The following XKR6 variants were observed in gnomAD, a reference collection of about 807,000 sequenced individuals.
The protein encoded by XKR6 is XK related 6, also known as XK-related protein 6.
A neutral mutation model predicts 56.7 loss-of-function variants in XKR6; 22 were observed. That is an observed-to-expected ratio of 0.39 (90% CI 0.28 to 0.55). The LOEUF is 0.55. XKR6 is among the 20% of genes least tolerant of loss of function. The pLI is 0.66. For synonymous variants in XKR6, 524 were observed against 387.8 expected, an observed-to-expected ratio of 1.35 and a Z score of -4.13; for missense variants, 852 against 889.0, an observed-to-expected ratio of 0.96 and a Z score of 0.53.
At position 11,112,698 on chromosome 8, in the gene XKR6, G is replaced by A. The variant is rs558946877; in HGVS notation, c.764+87878C>T. ...ACTGGTTTTTCTTTAAGAACAAGGCGAAGCTGGCCTGGGGAAGCAGAAATT... is the reference window on the plus strand; with the variant it reads ...ACTGGTTTTTCTTTAAGAACAAGGCAAAGCTGGCCTGGGGAAGCAGAAATT... On this transcript the variant is annotated intron_variant, in intron 1 of 2. Transcript: ENST00000416569. 3.3e-5 allele frequency among the ~76,000 whole-genome samples: 5 copies of A among 152,296 alleles called. No individual in the cohort carries two copies. The East Asian group carries it at 7.7e-4, about 23-fold the overall frequency.
rs547523766 is a variant in XKR6, at chr8:11,108,414, C to G, written c.764+92162G>C. On this transcript the variant is annotated intron_variant, in intron 1 of 2. Coordinates refer to ENST00000416569, the MANE Select transcript of XKR6 (RefSeq NM_173683.4). Reference sequence around the variant, plus strand: ...CCCCAAGACATAAGAAAAAGTCACACTTAGGGAGAAAATCTTCATAATTGT... The same window carrying G: ...CCCCAAGACATAAGAAAAAGTCACAGTTAGGGAGAAAATCTTCATAATTGT... 9.1e-6 allele frequency: 4 copies of G among 437,338 alleles called. No homozygotes were observed. In the East Asian group the frequency reaches 2.8e-4, roughly 31 times the overall value. The allele number at this position is 437,338 out of a possible 1,614,324, so 27.1% of individuals were successfully genotyped here.
chr8:11,086,148 A>ATTTTT (rs372566415), intron 1 of XKR6, among the ~76,000 whole-genome samples: 2,293 of 120,714 alleles, frequency 0.019, 27 homozygotes, highest in Non-Finnish European at 0.03. Context: ...ATATATATAT[A>ATTTTT]TTTTTTTTTA....
At chr8:11,154,185 T>C (rs1801395760) in intron 1 of XKR6, among the ~76,000 whole-genome samples, 1 of 152,154 alleles carries the variant, frequency 6.6e-6, no homozygotes, top group African/African-American at 2.4e-5. Context: ...GAAGGACCAA[T>C]CATGTGATTT....
chr8:10,987,278 A>C (rs1797883375), intron 1 of XKR6, among the ~76,000 whole-genome samples: 1 of 152,200 alleles, frequency 6.6e-6, no homozygotes, highest in Non-Finnish European at 1.5e-5. Context: ...GGAAATGTAA[A>C]GTGGTACTAC....
chr8:11,100,032 T>A lies in XKR6; in HGVS notation c.764+100544A>T, dbSNP rs139156087. Among the ~76,000 whole-genome samples the A allele has an allele frequency of 9.2e-4, 140 of 152,228 alleles. 1 individual carries two copies. Among genetic ancestry groups the A allele is most frequent in the African/African-American group, 3.2e-3 (132 of 41,528 alleles). On this transcript the variant is annotated intron_variant, in intron 1 of 2. Transcript: ENST00000416569. ...GGAGAGGGGGTGCAGCCAGTTTAAG[T>A]AGGGCTCATTTTTTTTCTTTTCATT...
At chr8:11,175,763 T>C (rs1428619992) in intron 1 of XKR6, among the ~76,000 whole-genome samples, 1 of 152,202 alleles carries the variant, frequency 6.6e-6, no homozygotes, top group Non-Finnish European at 1.5e-5. Flanking sequence ...TTCCTTCTCC[T>C]ACTAGCCCAG....
chr8:11,168,268 T>A (rs938857175), intron 1 of XKR6, among the ~76,000 whole-genome samples: 1 of 152,216 alleles, frequency 6.6e-6, no homozygotes, highest in Non-Finnish European at 1.5e-5. Flanking sequence ...AAAGCAACTT[T>A]CTTAAATATG....
At chr8:11,102,890 C>T (rs1421232792) in intron 1 of XKR6, among the ~76,000 whole-genome samples, 1 of 152,190 alleles carries the variant, frequency 6.6e-6, no homozygotes, top group Admixed American at 6.5e-5. Context: ...TATTCTTGCT[C>T]TGAGTTTCAA....
chr8:11,095,756 G>GAT (rs1407372635), intron 1 of XKR6, among the ~76,000 whole-genome samples: 1 of 152,198 alleles, frequency 6.6e-6, no homozygotes, highest in Non-Finnish European at 1.5e-5. Context: ...GTGGATCTGG[G>GAT]ATATGACCCA....
At chr8:10,944,484 C>G (rs545223843) in intron 1 of XKR6, among the ~76,000 whole-genome samples, 62 of 152,296 alleles carry the variant, frequency 4.1e-4, no homozygotes, top group African/African-American at 1.3e-3. Context: ...CAGCCATTCA[C>G]CACACGGCAG....
At chr8:11,172,781 G>A (rs1802443924) in intron 1 of XKR6, among the ~76,000 whole-genome samples, 2 of 152,112 alleles carry the variant, frequency 1.3e-5, no homozygotes, top group South Asian at 4.2e-4. Context: ...CTACTCAGCA[G>A]GAGCAAAGGC....
At chr8:11,108,940 G>C (rs1367036948) in intron 1 of XKR6, 3 of 152,254 alleles carry the variant, frequency 2.0e-5, no homozygotes, top group East Asian at 3.8e-4. Flanking sequence ...AAAATAAAAA[G>C]AACCATTGTT....
intron 1 of XKR6, among the ~76,000 whole-genome samples, chr8:10,940,994 A>C (rs1801371036): frequency 6.6e-6 from 1 of 152,146 alleles, no homozygotes; most frequent in Non-Finnish European, 1.5e-5. Context: ...CTGTAGCCAC[A>C]GTGACTCGGC....
At chr8:11,081,939 G>A (rs558801038) in intron 1 of XKR6, among the ~76,000 whole-genome samples, 5 of 152,294 alleles carry the variant, frequency 3.3e-5, no homozygotes, top group East Asian at 3.9e-4. Flanking sequence ...ACAGGCAGTG[G>A]GTGGTTCACG....
At chr8:11,159,175 C>G (rs1801671382) in intron 1 of XKR6, among the ~76,000 whole-genome samples, 1 of 152,224 alleles carries the variant, frequency 6.6e-6, no homozygotes, top group Non-Finnish European at 1.5e-5. Context: ...TTACTAACAT[C>G]CACCATATAT....
intron 1 of XKR6, among the ~76,000 whole-genome samples, chr8:10,962,358 G>A (rs1802089468): frequency 6.6e-6 from 1 of 152,212 alleles, no homozygotes; most frequent in Non-Finnish European, 1.5e-5. Context: ...GTCCCCATTT[G>A]CCATGCTGGG....
chr8:11,145,051 A>AGGGAGGGAGGGC (rs1800913112), intron 1 of XKR6, among the ~76,000 whole-genome samples: 2 of 146,098 alleles, frequency 1.4e-5, no homozygotes, highest in Admixed American at 6.8e-5. Flanking sequence ...GAAGGGAGGG[A>AGGGAGGGAGGGC]GGGAGGAAGG....
At chr8:11,113,956 C>A in intron 1 of XKR6, 1 of 322,994 alleles carries the variant, frequency 3.1e-6, no homozygotes, top group East Asian at 9.4e-5. Context: ...TGAAGGCCTC[C>A]CTCTCGCTGG....
chr8:11,194,879 T>C, intron 1 of XKR6: 2 of 476,808 alleles, frequency 4.2e-6, no homozygotes, highest in East Asian at 7.1e-5. Flanking sequence ...ACTTTGTTTC[T>C]GGATCCTTCT....
Sources: gnomAD v4.1 joint callset for allele counts (sites outside exome capture counted in the v4.1 genomes callset) on GRCh38, gnomAD v4.1.1 for gene constraint, MANE v1.5 for transcripts, NCBI Gene and HGNC (gene_info 2026-07-23, HGNC 2026-07-21) for gene names.